The following ATP10B variants were observed in gnomAD, a reference collection of about 807,000 sequenced individuals.
The protein encoded by ATP10B is ATPase phospholipid transporting 10B (putative).
Under a neutral mutation model 141.2 loss-of-function variants are expected in ATP10B, and 122 were observed. That is an observed-to-expected ratio of 0.86 (90% CI 0.75 to 1.00). The LOEUF is 1.00. ATP10B is among the 50% of genes least tolerant of loss of function. The pLI is 0.00. For synonymous variants in ATP10B, 685 were observed against 692.0 expected (o/e 0.99, Z 0.16); for missense variants, 1,876 against 1,825.3 (o/e 1.03, Z -0.51).
At chr5:160,876,715 C>G in the ATP10B span, among the ~76,000 whole-genome samples, 1 of 151,776 alleles carries the variant, frequency 6.6e-6, no homozygotes, top group African/African-American at 2.4e-5. Context: ...CACCACCAAT[C>G]CCACAGAAAT....
intron 3 of ATP10B, among the ~76,000 whole-genome samples, chr5:160,705,320 C>T (rs1310092713): frequency 1.3e-5 from 2 of 152,116 alleles, no homozygotes; most frequent in Non-Finnish European, 2.9e-5. Flanking sequence ...ATCCCAGGCT[C>T]AAGCAATCCT....
In ATP10B at chr5:160,610,488, C is replaced by T. The variant is rs116041916; in HGVS notation, c.2838+2253G>A. 9.5e-3 allele frequency among the ~76,000 whole-genome samples: 1,444 copies of T among 152,218 alleles called. 25 individuals are homozygous for T. Among genetic ancestry groups the T allele is most frequent in the African/African-American group, 0.03 (1,262 of 41,520 alleles). On this transcript the variant is annotated intron_variant, in intron 18 of 25. Coordinates refer to ENST00000327245, the MANE Select transcript of ATP10B (RefSeq NM_025153.3). ...GGTGCCCAGCTAAGATGCTCCTGAACTTGTAATCCACAGAAACCATAAGAT... is the reference window on the plus strand; with the variant it reads ...GGTGCCCAGCTAAGATGCTCCTGAATTTGTAATCCACAGAAACCATAAGAT...
At chr5:160,831,253 G>A (rs954818086) in intron 1 of ATP10B, among the ~76,000 whole-genome samples, 1 of 151,974 alleles carries the variant, frequency 6.6e-6, no homozygotes, top group Non-Finnish European at 1.5e-5. Context: ...CTGGCATATA[G>A]TAAGTTCTTA....
At position 160,701,545 on chromosome 5, in the gene ATP10B, G is replaced by T. The variant is rs140837797; in HGVS notation, c.-204-12602C>A. 6.6e-4 allele frequency among the ~76,000 whole-genome samples: 101 copies of T among 152,256 alleles called. 2 individuals carry two copies. The East Asian group carries it at 0.015, about 23-fold the overall frequency. On this transcript the variant is annotated intron_variant, in intron 3 of 25. Coordinates refer to ENST00000327245, the MANE Select transcript of ATP10B (RefSeq NM_025153.3). Reference sequence around the variant, plus strand: ...ACCTCTGTACAAGTCTGGATTGAGGGATTCTACAAGGCAATCACCCTTCTA... The same window carrying T: ...ACCTCTGTACAAGTCTGGATTGAGGTATTCTACAAGGCAATCACCCTTCTA...
At chr5:160,601,970 G>A (rs1318436375) in intron 21 of ATP10B, among the ~76,000 whole-genome samples, 5 of 152,170 alleles carry the variant, frequency 3.3e-5, no homozygotes, top group Non-Finnish European at 7.3e-5. Flanking sequence ...ACTCTCCCAA[G>A]GCATGGGGTA....
chr5:160,646,847 A>G (rs6865497), intron 8 of ATP10B, among the ~76,000 whole-genome samples: 133,109 of 152,252 alleles, frequency 0.87, 58,387 homozygotes, highest in African/African-American at 0.91. Flanking sequence ...AGGATGGTCT[A>G]TTATACTTTT....
At chr5:160,759,465 T>G (rs1581477636) in intron 2 of ATP10B, among the ~76,000 whole-genome samples, 1 of 152,242 alleles carries the variant, frequency 6.6e-6, no homozygotes, top group East Asian at 1.9e-4. Flanking sequence ...TCTATAATTA[T>G]CATACACTGA....
In ATP10B at chr5:160,632,137, T is replaced by G; in HGVS notation, c.1612A>C (p.Ser538Arg). The change falls in exon 13 of 26, where the codon AGC becomes CGC. Residue 538 changes from serine (S) to arginine (R), a missense_variant. Ser to Arg is a moderately radical substitution (Grantham distance 110, BLOSUM62 -1). Coordinates refer to ENST00000327245, the MANE Select transcript of ATP10B (RefSeq NM_025153.3). ...CAAAAGTCAGGACTTACTATGGAGC[T>G]GCTGAAGGCCACAGGAGGCTGTGAG... ...ESSQPPVAFSSSIEKDVTPDK... is the reference protein window; with the variant it reads ...ESSQPPVAFSRSIEKDVTPDK... The G allele has an allele frequency of 6.2e-7, 1 of 1,611,948 alleles. No homozygotes were observed. Among genetic ancestry groups the G allele is most frequent in the Non-Finnish European group, 8.5e-7 (1 of 1,178,224 alleles).
At chr5:160,645,548 G>A (rs554233268) in intron 8 of ATP10B, among the ~76,000 whole-genome samples, 2 of 152,310 alleles carry the variant, frequency 1.3e-5, no homozygotes, top group East Asian at 3.9e-4. Flanking sequence ...CCTAAAAGTA[G>A]AGATAGTTTC....
rs748628581 is a variant in ATP10B, at chr5:160,636,228, G to A, written c.1082C>T (p.Ala361Val). 19 of 1,613,470 alleles carry A rather than the reference G, an allele frequency of 1.2e-5. No individual in the cohort carries two copies. Among genetic ancestry groups the A allele is most frequent in the Non-Finnish European group, 1.5e-5 (18 of 1,179,764 alleles). ...PDANGSFLPS[A>V]LGGFYMFLTM... is the part of the protein sequence containing the mutation. ...GAGGAACATGTAGAAGCCCCCAAGG[G>A]CACTGGGAAGGAAGCTGCCATTGGC... is the stretch of plus-strand genomic sequence containing the variant. Residue 361 changes from alanine to valine, a missense_variant, in exon 11 of 26, where the codon GCC becomes GTC. Physicochemically the swap from Ala to Val is moderately conservative, Grantham distance 64 (BLOSUM62 0). Coordinates refer to ENST00000327245, the MANE Select transcript of ATP10B (RefSeq NM_025153.3).
chr5:160,873,782 C>T, the ATP10B span, among the ~76,000 whole-genome samples: 1 of 152,198 alleles, frequency 6.6e-6, no homozygotes, highest in East Asian at 1.9e-4. Flanking sequence ...CAGACGGCAC[C>T]AGGAAAATTG....
chr5:160,717,850 C>T (rs66918599), intron 2 of ATP10B, among the ~76,000 whole-genome samples: 13,851 of 152,200 alleles, frequency 0.091, 797 homozygotes, highest in Middle Eastern at 0.12. Context: ...GTCACACACC[C>T]TGCTCCATCT....
chr5:160,580,214 A>G (rs1755455134), intron 24 of ATP10B, among the ~76,000 whole-genome samples: 1 of 152,168 alleles, frequency 6.6e-6, no homozygotes. Context: ...AGGAGTGGTG[A>G]GAGAGGGTGG....
intron 6 of ATP10B, among the ~76,000 whole-genome samples, chr5:160,677,692 C>A (rs1763117959): frequency 6.6e-6 from 1 of 152,162 alleles, no homozygotes; most frequent in African/African-American, 2.4e-5. Flanking sequence ...TTTATGAGTG[C>A]CACAGGCACA....
At position 160,701,654 on chromosome 5, in the gene ATP10B, C is replaced by T. The variant is rs76262923; in HGVS notation, c.-204-12711G>A. On this transcript the variant is annotated intron_variant, in intron 3 of 25. Transcript: ENST00000327245. Reference sequence around the variant, plus strand: ...GTCACCCCCTCCTACCCTAATGTCTCCTGGGAGCAGTTACTCATCTATCCC... The same window carrying T: ...GTCACCCCCTCCTACCCTAATGTCTTCTGGGAGCAGTTACTCATCTATCCC... 4.8e-3 allele frequency among the ~76,000 whole-genome samples: 725 copies of T among 152,164 alleles called. 5 individuals carry two copies. Among genetic ancestry groups the T allele is most frequent in the African/African-American group, 0.017 (696 of 41,510 alleles).
intron 1 of ATP10B, among the ~76,000 whole-genome samples, chr5:160,791,681 G>A (rs1397297863): frequency 1.3e-5 from 2 of 152,144 alleles, no homozygotes; most frequent in Admixed American, 6.5e-5. Flanking sequence ...GGAAGCTGTT[G>A]CCTTAGGAAT....
At position 160,565,720 on chromosome 5, in the gene ATP10B, T is replaced by C. The variant is rs528864040; in HGVS notation, c.4119A>G (p.Thr1373=). 2.2e-5 allele frequency: 35 copies of C among 1,614,064 alleles called. No individual in the cohort carries two copies. The South Asian group carries it at 3.5e-4, about 16-fold the overall frequency. ...GGGTGCTGGCACTGAAGTCCTGTCC[T>C]GTGATAGATGACACTGGGTGGTGAG... is the stretch of plus-strand genomic sequence containing the variant. ...RPTHHPVSSI[T]GQDFSASTPK... Residue 1373 remains threonine (T), a synonymous_variant, in exon 26 of 26, where the codon ACA becomes ACG. Coordinates refer to ENST00000327245, the MANE Select transcript of ATP10B (RefSeq NM_025153.3).
At chr5:160,717,273 C>T (rs1765718387) in intron 2 of ATP10B, among the ~76,000 whole-genome samples, 1 of 152,132 alleles carries the variant, frequency 6.6e-6, no homozygotes, top group Non-Finnish European at 1.5e-5. Flanking sequence ...TCAACTATAT[C>T]TCTAAATTTT....
Position 160,653,333 on chromosome 5 carries a change from GTACA to G in ATP10B, c.676-4081_676-4078del, listed in dbSNP as rs1282123165. 4.1e-3 allele frequency among the ~76,000 whole-genome samples: 451 copies of G among 109,536 alleles called. 6 individuals are homozygous for G. Among genetic ancestry groups the G allele is most frequent in the Non-Finnish European group, 6.5e-3 (365 of 56,170 alleles). 71.9% of individuals were successfully genotyped at this position (109,536 alleles called of 152,430 possible). ...ATACATAGGTAGTATATATACATACGTACATACATACATAGGTAGTATATATACA... is the reference window on the plus strand; with the variant it reads ...ATACATAGGTAGTATATATACATACGTACATACATAGGTAGTATATATACA... On this transcript the variant is annotated intron_variant, in intron 7 of 25. Transcript: ENST00000327245.
Sources: allele counts gnomAD v4.1 joint callset (sites outside exome capture counted in the v4.1 genomes callset), GRCh38; gene constraint gnomAD v4.1.1; transcripts MANE v1.5; gene names NCBI Gene and HGNC (gene_info 2026-07-23, HGNC 2026-07-21).